Variants in MYO18B observed in about 807,000 individuals in gnomAD.
The protein encoded by MYO18B is unconventional myosin-XVIIIb.
MYO18B carries 204 observed loss-of-function variants against 273.0 expected under a neutral mutation model. The ratio of observed to expected loss-of-function variants is 0.75; its 90% CI spans 0.67 to 0.84. The LOEUF is 0.84. Among genes scored for constraint, MYO18B ranks in the 40% least tolerant of loss-of-function variants. The pLI is 0.00. For missense variants in MYO18B, 3,212 were observed against 3,287.6 expected (o/e 0.98, Z 0.56); for synonymous variants, 1,330 against 1,305.7 (o/e 1.02, Z -0.40).
At chr22:25,854,143 G>T (rs5761279) in intron 21 of MYO18B, among the ~76,000 whole-genome samples, 53,659 of 151,988 alleles carry the variant, frequency 0.35, 10,182 homozygotes, top group East Asian at 0.68. Context: ...TCTTGGTGAA[G>T]TCCCCTGTGG....
chr22:25,791,489 T>C (rs2087659890), intron 11 of MYO18B, among the ~76,000 whole-genome samples: 1 of 152,250 alleles, frequency 6.6e-6, no homozygotes, highest in African/African-American at 2.4e-5. Context: ...GCCTGCCACA[T>C]TGCAGCTTGT....
intron 34 of MYO18B, among the ~76,000 whole-genome samples, chr22:25,941,044 C>G (rs541434344): frequency 1.3e-5 from 2 of 152,282 alleles, no homozygotes; most frequent in South Asian, 4.1e-4. Context: ...CTTTTTCTAG[C>G]TATTGAAAGT....
chr22:26,049,760 C>T, the MYO18B span, among the ~76,000 whole-genome samples: 1 of 152,176 alleles, frequency 6.6e-6, no homozygotes, highest in Admixed American at 6.5e-5. Flanking sequence ...CCTGACCACA[C>T]CTCTGAGTGG....
chr22:25,938,435 TG>T (rs953641415), intron 34 of MYO18B, among the ~76,000 whole-genome samples: 1 of 152,132 alleles, frequency 6.6e-6, no homozygotes, highest in African/African-American at 2.4e-5. Flanking sequence ...GAGGAGTCTT[TG>T]GGGTGGCCCA....
chr22:25,799,160 T>TGTGTGTGC (rs908649603), intron 12 of MYO18B, among the ~76,000 whole-genome samples: 8 of 151,626 alleles, frequency 5.3e-5, no homozygotes, highest in South Asian at 4.2e-4. Context: ...TGTGTGTGTG[T>TGTGTGTGC]GCTTGGATAG....
intron 21 of MYO18B, among the ~76,000 whole-genome samples, chr22:25,856,852 G>C (rs1183028811): frequency 6.6e-6 from 1 of 152,172 alleles, no homozygotes; most frequent in Non-Finnish European, 1.5e-5. Context: ...TCCTCTGAAG[G>C]GTTTCAGCAG....
intron 11 of MYO18B, among the ~76,000 whole-genome samples, chr22:25,786,105 C>G (rs1209970490): frequency 6.6e-6 from 1 of 152,184 alleles, no homozygotes; most frequent in African/African-American, 2.4e-5. Flanking sequence ...ATTGTTTTCT[C>G]CCTTCTCTCG....
rs2086605853 is a variant in MYO18B, at chr22:25,768,789, C to T, written c.873C>T (p.Asn291=). The change falls in exon 4 of 44, where the codon AAC becomes AAT. Residue 291 remains asparagine (N), a synonymous_variant. Coordinates refer to ENST00000335473, the MANE Select transcript of MYO18B (RefSeq NM_032608.7). ...KAEKEGAEPT[N]TVEKGNVSKD... is the part of the protein sequence containing the mutation. ...AGAAGGAGGGAGCAGAGCCCACAAACACGGTGGAAAAGGGGAATGTCTCTA... is the reference window on the plus strand; with the variant it reads ...AGAAGGAGGGAGCAGAGCCCACAAATACGGTGGAAAAGGGGAATGTCTCTA... The T allele has an allele frequency of 6.2e-7, 1 of 1,609,642 alleles. No individual in the cohort carries two copies. Among genetic ancestry groups the T allele is most frequent in the Non-Finnish European group, 8.5e-7 (1 of 1,177,900 alleles).
At chr22:25,924,694 GT>G (rs1357434654) in intron 34 of MYO18B, among the ~76,000 whole-genome samples, 13 of 152,188 alleles carry the variant, frequency 8.5e-5, no homozygotes, top group African/African-American at 2.7e-4. Flanking sequence ...TTGGGAGGTT[GT>G]GAGCGAAGCG....
intron 39 of MYO18B, among the ~76,000 whole-genome samples, chr22:25,983,076 T>C (rs1367662675): frequency 6.6e-6 from 1 of 152,052 alleles, no homozygotes; most frequent in African/African-American, 2.4e-5. Context: ...GCCTTGAAAA[T>C]AATAATTCTG....
intron 42 of MYO18B, among the ~76,000 whole-genome samples, chr22:26,011,696 A>G (rs1016667618): frequency 6.6e-6 from 1 of 152,212 alleles, no homozygotes; most frequent in African/African-American, 2.4e-5. Flanking sequence ...ATCTATCATC[A>G]CATAATTAGT....
At chr22:25,981,559 G>A (rs1371320006) in intron 39 of MYO18B, among the ~76,000 whole-genome samples, 2 of 152,192 alleles carry the variant, frequency 1.3e-5, no homozygotes, top group African/African-American at 4.8e-5. Context: ...GGACAACACA[G>A]TAAGACCCCA....
intron 31 of MYO18B, 139 bp downstream of exon 31, chr22:25,903,970 G>A: frequency 1.1e-6 from 1 of 923,878 alleles, no homozygotes; most frequent in Non-Finnish European, 1.6e-6. Flanking sequence ...GAACCTTTAA[G>A]CTCCTAAGTC....
At chr22:25,788,761 C>G (rs1268528218) in intron 11 of MYO18B, among the ~76,000 whole-genome samples, 1 of 152,172 alleles carries the variant, frequency 6.6e-6, no homozygotes, top group Non-Finnish European at 1.5e-5. Context: ...ATGATTAATT[C>G]TGCTTCTGTT....
rs191225696 is a variant in MYO18B, at chr22:25,974,577, A to G, written c.6157-17786A>G. Among the ~76,000 whole-genome samples the G allele has an allele frequency of 1.6e-3, 241 of 152,308 alleles. 1 individual carries two copies. Among genetic ancestry groups the G allele is most frequent in the African/African-American group, 5.5e-3 (227 of 41,558 alleles). Reference sequence around the variant, plus strand: ...TGCAAACCATAGAGTCTCTGTCTCAACCTCCGAAGTCTGTCATTATAGCAT... The same window carrying G: ...TGCAAACCATAGAGTCTCTGTCTCAGCCTCCGAAGTCTGTCATTATAGCAT... On this transcript the variant is annotated intron_variant, in intron 39 of 43. Coordinates refer to ENST00000335473, the MANE Select transcript of MYO18B (RefSeq NM_032608.7).
intron 13 of MYO18B, among the ~76,000 whole-genome samples, 153 bp downstream of exon 13, chr22:25,823,831 G>A (rs1488162161): frequency 6.6e-6 from 1 of 152,160 alleles, no homozygotes; most frequent in East Asian, 1.9e-4. Flanking sequence ...ATCGTGGGTG[G>A]AAAGGGACCG....
At chr22:25,991,254 G>C (rs763785508) in intron 39 of MYO18B, among the ~76,000 whole-genome samples, 1 of 152,104 alleles carries the variant, frequency 6.6e-6, no homozygotes. Flanking sequence ...TTTATCCCCC[G>C]TAAGATGAAT....
the MYO18B span, among the ~76,000 whole-genome samples, chr22:26,060,472 G>A: frequency 2.0e-5 from 3 of 152,244 alleles, no homozygotes; most frequent in Non-Finnish European, 4.4e-5. Flanking sequence ...CAAAGGAGCT[G>A]TCTCCCACAG....
rs1412735939 is a variant in MYO18B, at chr22:25,769,121, C to T, written c.1205C>T (p.Ser402Phe). ...AAGATGGGGCAACCCCAGGGTAAGTCCGGGAACGCAGGTGAAGCTCGGAGT... is the reference window on the plus strand; with the variant it reads ...AAGATGGGGCAACCCCAGGGTAAGTTCGGGAACGCAGGTGAAGCTCGGAGT... The part of the protein sequence containing the change: ...KEKMGQPQGK[S>F]GNAGEARSQT... The change falls in exon 4 of 44, where the codon TCC (serine) becomes TTC (phenylalanine). Residue 402 changes from serine to phenylalanine, a missense_variant. Transcript: ENST00000335473. 2.5e-6 allele frequency: 4 copies of T among 1,613,580 alleles called. No homozygotes were observed. In the East Asian group the frequency reaches 8.9e-5, roughly 36 times the overall value.
Sources: gnomAD v4.1 joint callset for allele counts (sites outside exome capture counted in the v4.1 genomes callset) on GRCh38, gnomAD v4.1.1 for gene constraint, MANE v1.5 for transcripts, NCBI Gene and HGNC (gene_info 2026-07-23, HGNC 2026-07-21) for gene names.